Variants in WDFY3 observed in about 807,000 individuals in gnomAD.
WDFY3 encodes the protein WD repeat and FYVE domain-containing protein 3.
A neutral mutation model predicts 409.6 loss-of-function variants in WDFY3; 66 were observed. The observed-to-expected ratio is 0.16, with a 90% CI of 0.13 to 0.20. The LOEUF (loss-of-function observed/expected upper bound fraction) is 0.20, where lower values mean the gene tolerates loss of function less well. WDFY3 is among the 10% of genes least tolerant of loss of function. WDFY3 has a pLI of 1.00. For synonymous variants in WDFY3, 1,521 were observed against 1,537.1 expected, an observed-to-expected ratio of 0.99 and a Z score of 0.25; for missense variants, 3,031 against 4,298.1, an observed-to-expected ratio of 0.71 and a Z score of 8.24.
intron 7 of WDFY3, among the ~76,000 whole-genome samples, chr4:84,835,140 T>C (rs942079156): frequency 6.6e-6 from 1 of 152,226 alleles, no homozygotes; most frequent in Non-Finnish European, 1.5e-5. Context: ...GACTCCCACA[T>C]GATCGAAAGT....
intron 10 of WDFY3, 41 bp from the exon 11 acceptor site, chr4:84,821,592 A>G (rs554326114): frequency 6.6e-7 from 1 of 1,519,564 alleles, no homozygotes; most frequent in East Asian, 2.3e-5. Flanking sequence ...GTACTATGTG[A>G]TATTTTAATG....
In WDFY3 at chr4:84,788,631, C is replaced by T. The variant is rs149043047; in HGVS notation, c.3670-918G>A. Among the ~76,000 whole-genome samples, 159 of 152,298 alleles carry T rather than the reference C, an allele frequency of 1.0e-3. 1 individual carries two copies. The highest frequency in any genetic ancestry group is 9.5e-3 in the Admixed American group (146 of 15,298). ...ACACAATGTCACAATAAAATATCATCATCATCAAGGAAGGAAATATATTCA... is the reference window on the plus strand; with the variant it reads ...ACACAATGTCACAATAAAATATCATTATCATCAAGGAAGGAAATATATTCA... On this transcript the variant is annotated intron_variant, in intron 22 of 67. Coordinates refer to ENST00000295888, the MANE Select transcript of WDFY3 (RefSeq NM_014991.6).
chr4:84,743,354 C>T (rs1738793481), intron 37 of WDFY3, among the ~76,000 whole-genome samples: 2 of 152,088 alleles, frequency 1.3e-5, no homozygotes, highest in South Asian at 4.2e-4. Context: ...CCTAACAATT[C>T]CACTCATAGG....
At chr4:84,961,431 A>T (rs903140484) in intron 1 of WDFY3, among the ~76,000 whole-genome samples, 1 of 152,040 alleles carries the variant, frequency 6.6e-6, no homozygotes, top group Non-Finnish European at 1.5e-5. Flanking sequence ...TTTATGATAA[A>T]TTTTTTAATT....
intron 4 of WDFY3, among the ~76,000 whole-genome samples, chr4:84,855,498 T>C (rs1489471358): frequency 6.6e-6 from 1 of 152,176 alleles, no homozygotes; most frequent in African/African-American, 2.4e-5. Flanking sequence ...AGCAAATTAA[T>C]GGTGTTATCT....
chr4:84,792,748 C>T (rs1019027539), intron 21 of WDFY3, among the ~76,000 whole-genome samples: 7 of 152,168 alleles, frequency 4.6e-5, no homozygotes, highest in African/African-American at 1.7e-4. Flanking sequence ...ATCTCCAGAT[C>T]CACTCCTTAA....
intron 58 of WDFY3, 72 bp downstream of exon 58, chr4:84,695,898 G>C: frequency 7.3e-7 from 1 of 1,375,352 alleles, no homozygotes; most frequent in Admixed American, 2.0e-5. Flanking sequence ...TTATTTTGTG[G>C]TAATCTACAA....
rs756939873 is a variant in WDFY3, at chr4:84,857,513, TAGCCAAC to T, written c.180+2892_180+2898del. ...AAGGAAATTACCTCAAACTCCTCAG[TAGCCAAC>T]AGCACATCATGACGTTAAAGTAAAA... On this transcript the variant is annotated intron_variant, in intron 4 of 67. Transcript: ENST00000295888. Among the ~76,000 whole-genome samples, 8 of 152,288 alleles carry T rather than the reference TAGCCAAC, an allele frequency of 5.3e-5. No individual in the cohort carries two copies. In the South Asian group the frequency reaches 1.2e-3, roughly 24 times the overall value.
chr4:84,766,091 A>C, intron 31 of WDFY3, 64 bp from the exon 32 acceptor site: 1 of 1,558,038 alleles, frequency 6.4e-7, no homozygotes, highest in Non-Finnish European at 8.7e-7. Context: ...TAGGATTTCA[A>C]ATCAAAAAGG....
rs1420306224 is a variant in WDFY3 at position 84,737,242 on chromosome 4, T to C, written c.6699A>G (p.Ile2233Met). 6.2e-7 allele frequency: 1 copy of C among 1,614,204 alleles called. No individual in the cohort carries two copies. Among genetic ancestry groups the C allele is most frequent in the East Asian group, 2.2e-5 (1 of 44,880 alleles). ...CTTCAATGAGTGGCCTTGCTGTAGC[T>C]ATGTCCACGTGGCCCCTTTCATTCA... ...LPVNERGHVD[I>M]ATARPLIEEA... Residue 2233 changes from isoleucine to methionine, a missense_variant, in exon 41 of 68, where the codon ATA becomes ATG. Ile to Met is a conservative substitution (Grantham distance 10, BLOSUM62 1). Coordinates refer to ENST00000295888, the MANE Select transcript of WDFY3 (RefSeq NM_014991.6).
Position 84,672,787 on chromosome 4 carries a change from G to C in WDFY3, c.*81C>G. On this transcript the variant is annotated 3_prime_UTR_variant, in exon 68 of 68. Transcript: ENST00000295888. ...ATGAAGAGATGTGTAAACGGAGACT[G>C]TTTTCAATGCCTTCCAAGCTGGGAC... is the stretch of plus-strand genomic sequence containing the variant. 2 of 1,570,906 alleles carry C rather than the reference G, an allele frequency of 1.3e-6. No homozygotes were observed. Among genetic ancestry groups the C allele is most frequent in the Non-Finnish European group, 1.7e-6 (2 of 1,159,564 alleles).
At chr4:84,841,775 G>T (rs1382293092) in intron 5 of WDFY3, among the ~76,000 whole-genome samples, 2 of 152,166 alleles carry the variant, frequency 1.3e-5, no homozygotes, top group African/African-American at 4.8e-5. Context: ...ACGAAGGAGG[G>T]TAAGCTACTG....
intron 3 of WDFY3, among the ~76,000 whole-genome samples, chr4:84,887,459 T>C (rs1561006577): frequency 6.6e-6 from 1 of 152,196 alleles, no homozygotes; most frequent in Non-Finnish European, 1.5e-5. Context: ...ATTCTTTCCT[T>C]GAATCATTTT....
Position 84,798,071 on chromosome 4 carries a change from C to A in WDFY3, c.2860G>T (p.Ala954Ser), listed in dbSNP as rs1277623627. 8 of 1,613,292 alleles carry A rather than the reference C, an allele frequency of 5.0e-6. No individual in the cohort carries two copies. The highest frequency in any genetic ancestry group is 6.8e-6 in the Non-Finnish European group (8 of 1,179,682). Residue 954 changes from alanine (A) to serine (S), a missense_variant, in exon 18 of 68, where the codon GCC becomes TCC. Physicochemically the swap from Ala to Ser is moderately conservative, Grantham distance 99. Around this residue, in one of 16 missense-constraint regions of WDFY3, gnomAD observed 1,322 missense variants for 1,697.9 expected, o/e 0.78. Coordinates refer to ENST00000295888, the MANE Select transcript of WDFY3 (RefSeq NM_014991.6). ...LRLASPLNCG[A>S]WDKKLLKQYR... is the part of the protein sequence containing the mutation. Reference sequence around the variant, plus strand: ...TGTTTTAGCAGTTTTTTGTCCCAGGCACCACAATTTAAAGGACTTGCCAAA... The same window carrying A: ...TGTTTTAGCAGTTTTTTGTCCCAGGAACCACAATTTAAAGGACTTGCCAAA...
At chr4:84,860,360 C>T (rs1760429763) in intron 4 of WDFY3, 52 bp downstream of exon 4, 2 of 1,546,068 alleles carry the variant, frequency 1.3e-6, no homozygotes, top group Non-Finnish European at 1.8e-6. Context: ...CCTTCAGATT[C>T]TTGTAGTGCC....
intron 33 of WDFY3, 75 bp from the exon 34 acceptor site, chr4:84,755,475 T>C: frequency 6.6e-7 from 1 of 1,508,570 alleles, no homozygotes; most frequent in Admixed American, 2.6e-5. Context: ...TCTAATAGGC[T>C]AAAATTTCTT....
At chr4:84,862,750 G>A (rs1034408137) in intron 3 of WDFY3, among the ~76,000 whole-genome samples, 3 of 152,074 alleles carry the variant, frequency 2.0e-5, no homozygotes, top group South Asian at 2.1e-4. Flanking sequence ...CACTTTGGGA[G>A]GCCTAGGCGG....
intron 2 of WDFY3, among the ~76,000 whole-genome samples, chr4:84,899,366 T>G (rs942680831): frequency 2.0e-5 from 3 of 152,200 alleles, no homozygotes; most frequent in Admixed American, 1.3e-4. Flanking sequence ...GCGTGAACTA[T>G]AACGTCTGAG....
At chr4:84,847,106 A>T (rs1758173167) in intron 5 of WDFY3, among the ~76,000 whole-genome samples, 1 of 152,074 alleles carries the variant, frequency 6.6e-6, no homozygotes. Context: ...GGTAAAATAA[A>T]AGCTTATATA....
Sources: allele counts gnomAD v4.1 joint callset (sites outside exome capture counted in the v4.1 genomes callset), GRCh38; gene constraint gnomAD v4.1.1; regional missense constraint gnomAD v4.1.1; transcripts MANE v1.5; gene names NCBI Gene and HGNC (gene_info 2026-07-23, HGNC 2026-07-21).